TEX14: variants seen among roughly 807,000 people sequenced by gnomAD.
TEX14 encodes the protein testis expressed 14, intercellular bridge forming factor.
Under a neutral mutation model 178.6 loss-of-function variants are expected in TEX14, and 168 were observed. That is an observed-to-expected ratio of 0.94 (90% CI 0.83 to 1.07). TEX14 has a LOEUF of 1.07. Among genes scored for constraint, TEX14 ranks in the 50% least tolerant of loss-of-function variants. The pLI is 0.00. For missense variants in TEX14, 1,730 were observed against 1,753.6 expected (o/e 0.99, Z 0.24); for synonymous variants, 626 against 634.1 (o/e 0.99, Z 0.19).
intron 1 of TEX14, chr17:58,659,376 T>G: frequency 1.0e-6 from 1 of 978,792 alleles, no homozygotes; most frequent in South Asian, 4.7e-5. Context: ...AATTGTATTA[T>G]GAGTTGTTTT....
At chr17:58,619,075 C>T (rs1379894574) in intron 5 of TEX14, among the ~76,000 whole-genome samples, 6 of 152,184 alleles carry the variant, frequency 3.9e-5, no homozygotes, top group Admixed American at 3.9e-4. Context: ...GTTTCTTGCC[C>T]AGGGGAACAG....
Position 58,563,621 on chromosome 17 carries a change from TTATATATATATATATATATATA to T in TEX14, c.4064+1226_4064+1247del, listed in dbSNP as rs3034889. ...GGGCAACATAAAGCCCATCTCTAAT[TTATATATATATATATATATATA>T]TATATATATATATATAGAGAGAGAG... On this transcript the variant is annotated intron_variant, in intron 28 of 31. Transcript: ENST00000349033. Among the ~76,000 whole-genome samples the T allele has an allele frequency of 3.2e-4, 15 of 46,480 alleles. No homozygotes were observed. In the East Asian group the frequency reaches 3.4e-3, roughly 10 times the overall value. The allele number at this position is 46,480 out of a possible 152,430, so 30.5% of individuals were successfully genotyped here.
chr17:58,598,758 G>T, intron 14 of TEX14, 118 bp downstream of exon 14: 1 of 1,024,580 alleles, frequency 9.8e-7, no homozygotes, highest in South Asian at 1.6e-5. Flanking sequence ...GTTACCTGAT[G>T]GCTTATCTCT....
chr17:58,672,219 G>A (rs1269850121), intron 1 of TEX14, among the ~76,000 whole-genome samples: 1 of 152,134 alleles, frequency 6.6e-6, no homozygotes, highest in Non-Finnish European at 1.5e-5. Flanking sequence ...ACCTCCTGCT[G>A]TGCGGCCTAG....
At position 58,599,351 on chromosome 17, in the gene TEX14, T is replaced by C. The variant is rs1044003559; in HGVS notation, c.1994A>G (p.Asp665Gly). The change falls in exon 14 of 32, where the codon GAT (aspartate) becomes GGT (glycine). Residue 665 changes from aspartate to glycine, a missense_variant. Physicochemically the swap from Asp to Gly is moderately conservative, Grantham distance 94 (BLOSUM62 -1). Around this residue, in one of 2 missense-constraint regions of TEX14, gnomAD observed 941 missense variants for 1,072.4 expected, o/e 0.88. Transcript: ENST00000349033. ...DELKSMEEEL[D>G]KMEREACCFG... Reference sequence around the variant, plus strand: ...ACAACACGCCTCTCTCTCCATCTTATCCAGCTCTTCTTCCATGGATTTCAG... The same window carrying C: ...ACAACACGCCTCTCTCTCCATCTTACCCAGCTCTTCTTCCATGGATTTCAG... 1.2e-6 allele frequency: 2 copies of C among 1,614,124 alleles called. No homozygotes were observed. The highest frequency in any genetic ancestry group is 8.5e-7 in the Non-Finnish European group (1 of 1,180,044).
chr17:58,569,300 C>T lies in TEX14; in HGVS notation c.3818-40G>A, dbSNP rs1262672534. On this transcript the variant is annotated intron_variant, in intron 25 of 31. Transcript: ENST00000349033. The surrounding 1 kb of genome is among the most constrained non-coding windows in gnomAD (Gnocchi z 4.1). ...AGACAAAAGGGAAAATGTCTTAACA[C>T]CCTCCTGGACCTGAACTGAATTTTT... 3 of 1,525,476 alleles carry T rather than the reference C, an allele frequency of 2.0e-6. No homozygotes were observed. Among genetic ancestry groups the T allele is most frequent in the Non-Finnish European group, 2.7e-6 (3 of 1,101,344 alleles). 94.5% of individuals were successfully genotyped at this position (1,525,476 alleles called of 1,614,324 possible).
chr17:58,598,544 G>A (rs1049980101), intron 14 of TEX14, among the ~76,000 whole-genome samples: 1 of 152,148 alleles, frequency 6.6e-6, no homozygotes, highest in Admixed American at 6.6e-5. Context: ...TTACAGAGAA[G>A]GACAATGGGC....
At chr17:58,658,434 G>A (rs1317265396) in intron 1 of TEX14, among the ~76,000 whole-genome samples, 1 of 146,540 alleles carries the variant, frequency 6.8e-6, no homozygotes, top group Non-Finnish European at 1.5e-5. Flanking sequence ...GTGTCACCCG[G>A]GCTAGAGTAC....
chr17:58,677,427 G>C (rs1464222802), intron 1 of TEX14: 2 of 152,176 alleles, frequency 1.3e-5, no homozygotes, highest in Non-Finnish European at 2.9e-5. Flanking sequence ...CACCAAGGAA[G>C]CCTGTTACTA....
chr17:58,689,042 T>C (rs1222347989), intron 1 of TEX14, among the ~76,000 whole-genome samples: 1 of 152,104 alleles, frequency 6.6e-6, no homozygotes, highest in Non-Finnish European at 1.5e-5. Flanking sequence ...ACCATTCTCC[T>C]GCCTCAGCCT....
intron 1 of TEX14, among the ~76,000 whole-genome samples, chr17:58,668,895 G>C (rs950469078): frequency 1.3e-5 from 2 of 152,144 alleles, no homozygotes; most frequent in African/African-American, 4.8e-5. Flanking sequence ...GAAGCTGTAG[G>C]GTGGAGACAT....
intron 1 of TEX14, among the ~76,000 whole-genome samples, chr17:58,659,166 G>A (rs972863274): frequency 4.6e-5 from 7 of 152,088 alleles, no homozygotes; most frequent in Non-Finnish European, 8.8e-5. Flanking sequence ...AAGCGCAAAA[G>A]CAGTCCCCCA....
At chr17:58,587,747 C>G (rs752527076) in intron 16 of TEX14, 81 bp from the exon 17 acceptor site, 163 of 1,203,468 alleles carry the variant, frequency 1.4e-4, no homozygotes, top group Non-Finnish European at 1.8e-4. Flanking sequence ...TTGACAGAAC[C>G]AAAAGCCCAC....
intron 1 of TEX14, among the ~76,000 whole-genome samples, chr17:58,680,246 C>T (rs560542661): frequency 3.5e-4 from 54 of 152,158 alleles, no homozygotes; most frequent in Admixed American, 1.1e-3. Context: ...CTGCTATACA[C>T]GTAACCTGAG....
intron 1 of TEX14, among the ~76,000 whole-genome samples, chr17:58,671,870 G>A (rs955245748): frequency 3.3e-5 from 5 of 151,962 alleles, no homozygotes; most frequent in African/African-American, 9.7e-5. Flanking sequence ...GACTTTCCAC[G>A]CCATTTCACT....
At chr17:58,572,986 G>A (rs557177849) in intron 23 of TEX14, among the ~76,000 whole-genome samples, 195 bp downstream of exon 23, 2 of 152,326 alleles carry the variant, frequency 1.3e-5, no homozygotes, top group African/African-American at 2.4e-5. Context: ...ACCTCCTAAC[G>A]GCTGCCCAAT....
chr17:58,638,048 G>A (rs1054038572), intron 2 of TEX14, among the ~76,000 whole-genome samples: 5 of 151,998 alleles, frequency 3.3e-5, no homozygotes, highest in Non-Finnish European at 5.9e-5. Context: ...TTTTAGTACA[G>A]ATGGGGTTTC....
rs768769431 is a variant in TEX14, at chr17:58,598,923, G to T, written c.2422C>A (p.Pro808Thr). ...GTTGGGTAGTTGCCACTGGTGTCTG[G>T]CTTCTGACCCCCTGAAAGCTGTAGG... ...PVLQLSGGQK[P>T]DTSGNYPTLP... The change falls in exon 14 of 32, where the codon CCA becomes ACA. Residue 808 changes from proline (P) to threonine (T), a missense_variant. By Grantham distance (38) the Pro-to-Thr change is conservative. Coordinates refer to ENST00000349033, the MANE Select transcript of TEX14 (RefSeq NM_031272.5). 2.4e-5 allele frequency: 38 copies of T among 1,613,808 alleles called. No individual in the cohort carries two copies. Among genetic ancestry groups the T allele is most frequent in the Non-Finnish European group, 3.0e-5 (35 of 1,179,850 alleles).
chr17:58,660,244 AC>A (rs2047080226), intron 1 of TEX14, among the ~76,000 whole-genome samples: 1 of 151,266 alleles, frequency 6.6e-6, no homozygotes. Flanking sequence ...ATCTCAAAAT[AC>A]AAAATATTAG....
Sources: gnomAD v4.1 joint callset for allele counts (sites outside exome capture counted in the v4.1 genomes callset) on GRCh38, gnomAD v4.1.1 for gene constraint, gnomAD v4.1.1 regional missense constraint, Gnocchi (gnomAD v3.1) non-coding constraint, MANE v1.5 for transcripts, NCBI Gene and HGNC (gene_info 2026-07-23, HGNC 2026-07-21) for gene names.